TTF2: variants seen among roughly 807,000 people sequenced by gnomAD.
TTF2 encodes the protein RNA polymerase II termination factor.
Under a neutral mutation model 142.4 loss-of-function variants are expected in TTF2, and 108 were observed. The observed-to-expected ratio is 0.76, with a 90% CI of 0.65 to 0.89. TTF2 has a LOEUF of 0.89. Ranked by LOEUF, TTF2 falls within the 40% of genes least tolerant of loss-of-function variation. TTF2 has a pLI of 0.00. For synonymous variants in TTF2, 483 were observed against 506.2 expected, an observed-to-expected ratio of 0.95 and a Z score of 0.61; for missense variants, 1,327 against 1,379.8, an observed-to-expected ratio of 0.96 and a Z score of 0.61.
rs1647799797 is a variant in TTF2 at position 117,084,177 on chromosome 1, A to G, written c.2054+9A>G. The G allele has an allele frequency of 1.9e-6, 3 of 1,614,142 alleles. No homozygotes were observed. Among genetic ancestry groups the G allele is most frequent in the Admixed American group, 1.7e-5 (1 of 60,032 alleles). The stretch of plus-strand genomic sequence containing the variant: ...GATTCACGTGCCAGAGTGTAAGTGC[A>G]GGAATACGCAGTTGTGGGGGCGTTC... On this transcript the variant is annotated intron_variant, in intron 11 of 22. Transcript: ENST00000369466.
rs1649790517 is a variant in TTF2, at chr1:117,104,166, C to T, written c.*2642C>T. The T allele has an allele frequency of 6.6e-6, 1 of 152,116 alleles. No homozygotes were observed. The highest frequency in any genetic ancestry group is 6.5e-5 in the Admixed American group (1 of 15,270). 9.4% of individuals were successfully genotyped at this position (152,116 alleles called of 1,614,324 possible). Reference sequence around the variant, plus strand: ...TGAGTCACCTGAGAAGCAGTGGCTCCCAGGCCAGCAAGAATGTACAAACCT... The same window carrying T: ...TGAGTCACCTGAGAAGCAGTGGCTCTCAGGCCAGCAAGAATGTACAAACCT... On this transcript the variant is annotated 3_prime_UTR_variant, in exon 23 of 23. Transcript: ENST00000369466.
Position 117,075,205 on chromosome 1 carries a change from G to A in TTF2, c.621G>A (p.Glu207=), listed in dbSNP as rs2101421148. 6.2e-7 allele frequency: 1 copy of A among 1,614,206 alleles called. No individual in the cohort carries two copies. Among genetic ancestry groups the A allele is most frequent in the Non-Finnish European group, 8.5e-7 (1 of 1,180,052 alleles). Reference sequence around the variant, plus strand: ...GAGCAGAGATTCAGTGTGAGGCAGAGACTGGAGGCACACACAAAAGAGACT... The same window carrying A: ...GAGCAGAGATTCAGTGTGAGGCAGAAACTGGAGGCACACACAAAAGAGACT... ...EEGAEIQCEA[E]TGGTHKRDFS... The change falls in exon 5 of 23, where the codon GAG becomes GAA. Residue 207 remains glutamate, a synonymous_variant. Coordinates refer to ENST00000369466, the MANE Select transcript of TTF2 (RefSeq NM_003594.4). This position sits in a 1 kb window ranked among gnomAD's most constrained non-coding sequence, Gnocchi z 4.5.
rs1187051966 is a variant in TTF2 at position 117,060,564 on chromosome 1, C to T, written c.131+7C>T. The T allele has an allele frequency of 6.2e-7, 1 of 1,603,466 alleles. No individual in the cohort carries two copies. Among genetic ancestry groups the T allele is most frequent in the Admixed American group, 1.7e-5 (1 of 58,810 alleles). Reference sequence around the variant, plus strand: ...GCTTCGTGCGGGCCACCGAGTAGGTCTGGAGCTGGGCCCCACTCCCTGTGG... The same window carrying T: ...GCTTCGTGCGGGCCACCGAGTAGGTTTGGAGCTGGGCCCCACTCCCTGTGG... On this transcript the variant is annotated splice_region_variant and intron_variant, in intron 2 of 22. Coordinates refer to ENST00000369466, the MANE Select transcript of TTF2 (RefSeq NM_003594.4).
At position 117,062,479 on chromosome 1, in the gene TTF2, G is replaced by A. The variant is rs770980008; in HGVS notation, c.218+6G>A. On this transcript the variant is annotated splice_donor_region_variant and intron_variant, in intron 3 of 22. Transcript: ENST00000369466. ...CAGGACAAGAAAGAATACAGGTAAG[G>A]GTCCAAAAGGAACATCTAAGTGTAT... 6.2e-6 allele frequency: 10 copies of A among 1,602,886 alleles called. No individual in the cohort carries two copies. Among genetic ancestry groups the A allele is most frequent in the Non-Finnish European group, 7.6e-6 (9 of 1,176,600 alleles).
In TTF2 at chr1:117,075,998, C is replaced by G; in HGVS notation, c.1275+139C>G. ...TGCATGTTCAGTTTCTGCCTTTTCC[C>G]CTATTTATATTTTCAAGATTGGTAA... On this transcript the variant is annotated intron_variant, in intron 5 of 22. Transcript: ENST00000369466. This position sits in a 1 kb window ranked among gnomAD's most constrained non-coding sequence, Gnocchi z 4.5. 1 of 1,370,588 alleles carries G rather than the reference C, an allele frequency of 7.3e-7. No homozygotes were observed. Among genetic ancestry groups the G allele is most frequent in the South Asian group, 1.5e-5 (1 of 66,422 alleles). The allele number at this position is 1,370,588 out of a possible 1,614,324, so 84.9% of individuals were successfully genotyped here.
At position 117,079,133 on chromosome 1, in the gene TTF2, G is replaced by A. The variant is rs1011491812; in HGVS notation, c.1702-435G>A. On this transcript the variant is annotated intron_variant, in intron 8 of 22. Transcript: ENST00000369466. The surrounding 1 kb of genome is among the most constrained non-coding windows in gnomAD (Gnocchi z 4.2). Reference sequence around the variant, plus strand: ...CATACGCATGTAATTCCAGCTAGTCGGGAGGCTAAGGCAGGAGAATTGCTT... The same window carrying A: ...CATACGCATGTAATTCCAGCTAGTCAGGAGGCTAAGGCAGGAGAATTGCTT... Among the ~76,000 whole-genome samples the A allele has an allele frequency of 3.3e-5, 5 of 152,090 alleles. No homozygotes were observed. Among genetic ancestry groups the A allele is most frequent in the East Asian group, 1.9e-4 (1 of 5,192 alleles).
intron 19 of TTF2, among the ~76,000 whole-genome samples, chr1:117,095,723 T>C (rs571996341): frequency 1.3e-5 from 2 of 152,296 alleles, no homozygotes; most frequent in African/African-American, 4.8e-5. Context: ...CTGCATTATT[T>C]ATAAAATAAT....
chr1:117,069,926 AAC>A (rs1656446551), intron 3 of TTF2, among the ~76,000 whole-genome samples: 1 of 152,212 alleles, frequency 6.6e-6, no homozygotes, highest in Non-Finnish European at 1.5e-5. Flanking sequence ...ACAATTAATA[AAC>A]ATACTGCAGA....
At chr1:117,084,505 A>C (rs1019406320) in intron 11 of TTF2, among the ~76,000 whole-genome samples, 2 of 152,218 alleles carry the variant, frequency 1.3e-5, no homozygotes, top group African/African-American at 4.8e-5. Flanking sequence ...CCAGGTGTAC[A>C]TAGTGTGAAT....
At chr1:117,067,905 C>T (rs1029407053) in intron 3 of TTF2, among the ~76,000 whole-genome samples, 4 of 152,234 alleles carry the variant, frequency 2.6e-5, no homozygotes, top group African/African-American at 4.8e-5. Flanking sequence ...CGAAGATGCC[C>T]ATTTTTCATC....
chr1:117,062,326 T>C, intron 2 of TTF2, 61 bp from the exon 3 acceptor site: 2 of 1,506,874 alleles, frequency 1.3e-6, no homozygotes, highest in Non-Finnish European at 1.8e-6. Context: ...TTGATTTGAC[T>C]TTAGGATATT....
rs905993686 is a variant in TTF2, at chr1:117,093,808, G to C, written c.2976+907G>C. ...TGTGTTCCTTGTTTAATTAAATGCA[G>C]GTAATATTTATTCACAAGTTTTCTT... On this transcript the variant is annotated intron_variant, in intron 18 of 22. Transcript: ENST00000369466. This position sits in a 1 kb window ranked among gnomAD's most constrained non-coding sequence, Gnocchi z 4.5. Among the ~76,000 whole-genome samples the C allele has an allele frequency of 6.6e-6, 1 of 152,122 alleles. No individual in the cohort carries two copies. The highest frequency in any genetic ancestry group is 1.5e-5 in the Non-Finnish European group (1 of 68,022).
chr1:117,086,512 T>G lies in TTF2; in HGVS notation c.2150T>G (p.Leu717Arg). 6.2e-7 allele frequency: 1 copy of G among 1,613,602 alleles called. No individual in the cohort carries two copies. Among genetic ancestry groups the G allele is most frequent in the Non-Finnish European group, 8.5e-7 (1 of 1,179,700 alleles). The change falls in exon 12 of 23, where the codon CTC (leucine) becomes CGC (arginine). Residue 717 changes from leucine to arginine, a missense_variant. Physicochemically the swap from Leu to Arg is moderately radical, Grantham distance 102. Transcript: ENST00000369466. The surrounding 1 kb of genome is among the most constrained non-coding windows in gnomAD (Gnocchi z 4.2). ...GAGGCAGAGATCCCAGGTGCAAACC[T>G]CAATGTGGAGGTGAGGCTGGGGGGC... The part of the protein sequence containing the change: ...KQEAEIPGAN[L>R]NVEGTSTPLL...
At position 117,102,728 on chromosome 1, in the gene TTF2, C is replaced by T. The variant is rs940530441; in HGVS notation, c.*1204C>T. ...ACAATCTAATAAATACTAATCCAGT[C>T]CAATACTAATCCAATCCAATACTAA... On this transcript the variant is annotated 3_prime_UTR_variant, in exon 23 of 23. Transcript: ENST00000369466. The T allele has an allele frequency of 5.9e-5, 9 of 151,812 alleles. No homozygotes were observed. The highest frequency in any genetic ancestry group is 2.2e-4 in the African/African-American group (9 of 41,312). The allele number at this position is 151,812 out of a possible 1,614,324, so 9.4% of individuals were successfully genotyped here. A position where few individuals can be genotyped will look rare whatever the true frequency, so the allele number is the denominator to read the frequency against.
rs1162134247 is a variant in TTF2 at position 117,079,822 on chromosome 1, T to TAC, written c.1783+177_1783+178dup. Among the ~76,000 whole-genome samples the TAC allele has an allele frequency of 6.6e-6, 1 of 152,198 alleles. No homozygotes were observed. Among genetic ancestry groups the TAC allele is most frequent in the African/African-American group, 2.4e-5 (1 of 41,440 alleles). On this transcript the variant is annotated intron_variant, in intron 9 of 22. Coordinates refer to ENST00000369466, the MANE Select transcript of TTF2 (RefSeq NM_003594.4). The surrounding 1 kb of genome is among the most constrained non-coding windows in gnomAD (Gnocchi z 4.2). Reference sequence around the variant, plus strand: ...AAGTGTTAAGCAACTTGCTCAAGAATACACAGTTTAGGATCAAAGATGTTG... The same window carrying TAC: ...AAGTGTTAAGCAACTTGCTCAAGAATACACACAGTTTAGGATCAAAGATGTTG...
intron 3 of TTF2, among the ~76,000 whole-genome samples, chr1:117,068,529 A>C (rs1223358236): frequency 1.3e-5 from 2 of 151,778 alleles, no homozygotes; most frequent in African/African-American, 4.9e-5. Flanking sequence ...TGTACCCTAG[A>C]ACTTAAAGTG....
In TTF2 at chr1:117,093,005, C is replaced by A. The variant is rs757167120; in HGVS notation, c.2976+104C>A. On this transcript the variant is annotated intron_variant, in intron 18 of 22. Transcript: ENST00000369466. The surrounding 1 kb of genome is among the most constrained non-coding windows in gnomAD (Gnocchi z 4.5). ...CCAAGTGGGAACAGCCATTTGCCAGCAGAGCTAGAGCCGTTAAATTCTAGC... is the reference window on the plus strand; with the variant it reads ...CCAAGTGGGAACAGCCATTTGCCAGAAGAGCTAGAGCCGTTAAATTCTAGC... 7.4e-7 allele frequency: 1 copy of A among 1,350,700 alleles called. No individual in the cohort carries two copies. Among genetic ancestry groups the A allele is most frequent in the Non-Finnish European group, 1.0e-6 (1 of 970,664 alleles). 83.7% of individuals were successfully genotyped at this position (1,350,700 alleles called of 1,614,324 possible). A position where few individuals can be genotyped will look rare whatever the true frequency, so the allele number is the denominator to read the frequency against.
chr1:117,073,956 T>C lies in TTF2; in HGVS notation c.285+229T>C, dbSNP rs1169374475. On this transcript the variant is annotated intron_variant, in intron 4 of 22. Transcript: ENST00000369466. This position sits in a 1 kb window ranked among gnomAD's most constrained non-coding sequence, Gnocchi z 4.4. ...TCCTATTTCACTTAGTAAATATTTT[T>C]TGAGGTCTTAAATGTAGTCAGTATT... Among the ~76,000 whole-genome samples the C allele has an allele frequency of 1.3e-5, 2 of 152,238 alleles. No homozygotes were observed. The highest frequency in any genetic ancestry group is 3.8e-4 in the East Asian group (2 of 5,202).
chr1:117,065,763 A>G (rs1312160638), intron 3 of TTF2, among the ~76,000 whole-genome samples: 1 of 119,166 alleles, frequency 8.4e-6, no homozygotes, highest in Non-Finnish European at 1.8e-5. Flanking sequence ...TAGGGCTGGT[A>G]AGCCTTTATT....
Sources: allele counts gnomAD v4.1 joint callset (sites outside exome capture counted in the v4.1 genomes callset), GRCh38; gene constraint gnomAD v4.1.1; non-coding constraint Gnocchi (gnomAD v3.1); transcripts MANE v1.5; gene names NCBI Gene and HGNC (gene_info 2026-07-23, HGNC 2026-07-21).